ATG5: variants seen among roughly 807,000 people sequenced by gnomAD.
ATG5 encodes the protein autophagy protein 5.
In ATG5, 14 loss-of-function variants were observed where a neutral mutation model predicts 36.5. The observed-to-expected ratio is 0.38, with a 90% CI of 0.25 to 0.60. The LOEUF is 0.60. Among genes scored for constraint, ATG5 ranks in the 20% least tolerant of loss-of-function variants. The pLI is 0.60. For synonymous variants in ATG5, 95 were observed against 101.5 expected (o/e 0.94, Z 0.38); for missense variants, 195 against 326.7 (o/e 0.60, Z 3.11).
intron 3 of ATG5, among the ~76,000 whole-genome samples, chr6:106,308,142 T>G (rs1770517901): frequency 6.6e-6 from 1 of 152,208 alleles, no homozygotes; most frequent in Non-Finnish European, 1.5e-5. Context: ...AAAAATCTAT[T>G]GCTAAAAATA....
chr6:106,248,286 T>G (rs762007033), intron 5 of ATG5, 42 bp from the exon 6 acceptor site: 1 of 1,425,120 alleles, frequency 7.0e-7, no homozygotes, highest in Non-Finnish European at 9.9e-7. Flanking sequence ...ATGAACAACA[T>G]TATAATGGAA....
At chr6:106,256,996 CA>C (rs1233452270) in intron 5 of ATG5, among the ~76,000 whole-genome samples, 21 of 152,166 alleles carry the variant, frequency 1.4e-4, no homozygotes, top group Admixed American at 1.4e-3. Flanking sequence ...CGCATAAAAA[CA>C]TTTTTTATAT....
chr6:106,313,492 A>G (rs1470640466), intron 2 of ATG5, among the ~76,000 whole-genome samples: 1 of 152,252 alleles, frequency 6.6e-6, no homozygotes, highest in Non-Finnish European at 1.5e-5. Flanking sequence ...AGCAATCCAA[A>G]TGAGTATATG....
At chr6:106,189,027 T>C (rs9386514) in intron 7 of ATG5, among the ~76,000 whole-genome samples, 23,490 of 152,152 alleles carry the variant, frequency 0.15, 2,132 homozygotes, top group Non-Finnish European at 0.2. Flanking sequence ...CCCCAGTGCC[T>C]AGCATGGTAC....
rs139404669 is a variant in ATG5 at position 106,270,133 on chromosome 6, CCTT to C, written c.478+9525_478+9527del. Among the ~76,000 whole-genome samples, 1,292 of 152,266 alleles carry C rather than the reference CCTT, an allele frequency of 8.5e-3. 21 individuals carry two copies. Among genetic ancestry groups the C allele is most frequent in the African/African-American group, 0.03 (1,255 of 41,530 alleles). ...TAAATCAAGTAATTTCAGGAGCAAT[CCTT>C]CTCCAGAAGCTTAGCAAATTTTTTA... On this transcript the variant is annotated intron_variant, in intron 5 of 7. Transcript: ENST00000369076.
chr6:106,260,512 G>A (rs528041694), intron 5 of ATG5, among the ~76,000 whole-genome samples: 6 of 152,162 alleles, frequency 3.9e-5, no homozygotes, highest in East Asian at 1.9e-4. Flanking sequence ...CTTTGAAGAC[G>A]ATAATCAGGA....
chr6:106,206,085 C>T (rs1028680943), intron 6 of ATG5, among the ~76,000 whole-genome samples: 3 of 152,154 alleles, frequency 2.0e-5, no homozygotes, highest in Non-Finnish European at 4.4e-5. Flanking sequence ...CATCTGAATG[C>T]GTCCCTCCAA....
intron 5 of ATG5, among the ~76,000 whole-genome samples, chr6:106,255,345 T>A (rs986079651): frequency 6.6e-6 from 1 of 152,228 alleles, no homozygotes; most frequent in African/African-American, 2.4e-5. Flanking sequence ...AGGTTCACAA[T>A]TGCTACACCT....
At chr6:106,193,735 T>C (rs1227448737) in intron 7 of ATG5, among the ~76,000 whole-genome samples, 1 of 152,212 alleles carries the variant, frequency 6.6e-6, no homozygotes, top group Non-Finnish European at 1.5e-5. Flanking sequence ...GGTCCATTAA[T>C]ATTTGTCAAG....
At chr6:106,298,012 T>G (rs1160537459) in intron 3 of ATG5, among the ~76,000 whole-genome samples, 1 of 150,618 alleles carries the variant, frequency 6.6e-6, no homozygotes, top group Non-Finnish European at 1.5e-5. Context: ...TCGCCCAGGA[T>G]GGAATGCAGT....
At chr6:106,261,584 C>G (rs1392515765) in intron 5 of ATG5, among the ~76,000 whole-genome samples, 1 of 152,192 alleles carries the variant, frequency 6.6e-6, no homozygotes, top group Non-Finnish European at 1.5e-5. Context: ...CAGAACAGAA[C>G]TTGGAATGAG....
intron 6 of ATG5, among the ~76,000 whole-genome samples, chr6:106,208,237 T>C (rs1776713504): frequency 6.6e-6 from 1 of 152,190 alleles, no homozygotes; most frequent in Non-Finnish European, 1.5e-5. Context: ...TGTAAACACA[T>C]ATGTGTATAT....
At chr6:106,238,181 A>AT (rs922682876) in intron 6 of ATG5, among the ~76,000 whole-genome samples, 1 of 152,026 alleles carries the variant, frequency 6.6e-6, no homozygotes, top group Non-Finnish European at 1.5e-5. Context: ...ATTTACTTTT[A>AT]TTTTTTAGAG....
At chr6:106,286,320 T>A (rs1019796354) in intron 4 of ATG5, among the ~76,000 whole-genome samples, 1 of 152,204 alleles carries the variant, frequency 6.6e-6, no homozygotes, top group Admixed American at 6.5e-5. Context: ...GGGGCTCACC[T>A]TGTTTGTTCC....
chr6:106,313,553 A>C (rs1770733725), intron 2 of ATG5, among the ~76,000 whole-genome samples: 1 of 152,238 alleles, frequency 6.6e-6, no homozygotes, highest in African/African-American at 2.4e-5. Context: ...AAATGAACAT[A>C]AACGAAAAAA....
chr6:106,243,989 A>T (rs1404764497), intron 6 of ATG5, among the ~76,000 whole-genome samples: 1 of 126,850 alleles, frequency 7.9e-6, no homozygotes, highest in East Asian at 2.3e-4. Flanking sequence ...ATCATGGCTC[A>T]CTGCAACCTT....
chr6:106,232,649 G>T (rs1455917679), intron 6 of ATG5, among the ~76,000 whole-genome samples: 3 of 152,068 alleles, frequency 2.0e-5, no homozygotes, highest in Non-Finnish European at 2.9e-5. Context: ...AAAAGCCCAA[G>T]GCCTAGTAAA....
intron 5 of ATG5, among the ~76,000 whole-genome samples, chr6:106,271,184 G>A (rs11752888): frequency 0.15 from 22,875 of 151,938 alleles, 2,063 homozygotes; most frequent in Non-Finnish European, 0.19. Flanking sequence ...AACTCATCTC[G>A]GGCCACACTT....
chr6:106,204,628 C>T (rs1354820036), intron 6 of ATG5, among the ~76,000 whole-genome samples: 1 of 152,028 alleles, frequency 6.6e-6, no homozygotes, highest in Admixed American at 6.6e-5. Flanking sequence ...ATGTTGTTCT[C>T]GTGATACTGA....
Sources: allele counts gnomAD v4.1 joint callset (sites outside exome capture counted in the v4.1 genomes callset), GRCh38; gene constraint gnomAD v4.1.1; transcripts MANE v1.5; gene names NCBI Gene and HGNC (gene_info 2026-07-23, HGNC 2026-07-21).